Variants in NKAIN2 observed in about 807,000 individuals in gnomAD.
NKAIN2 encodes sodium/potassium-transporting ATPase subunit beta-1-interacting protein 2.
Under a neutral mutation model 32.6 loss-of-function variants are expected in NKAIN2, and 14 were observed. The ratio of observed to expected loss-of-function variants is 0.43; its 90% CI spans 0.28 to 0.67. The LOEUF (loss-of-function observed/expected upper bound fraction) is 0.67, where lower values mean the gene tolerates loss of function less well. Among genes scored for constraint, NKAIN2 ranks in the 30% least tolerant of loss-of-function variants. The probability of loss-of-function intolerance (pLI) is 0.17; values close to 1 mark genes in which losing one functional copy is unlikely to be tolerated. For missense variants in NKAIN2, 198 were observed against 258.3 expected, an observed-to-expected ratio of 0.77 and a Z score of 1.60; for synonymous variants, 80 against 87.2, an observed-to-expected ratio of 0.92 and a Z score of 0.46.
chr6:124,683,104 A>G (rs1052753612), intron 4 of NKAIN2, among the ~76,000 whole-genome samples: 20 of 152,204 alleles, frequency 1.3e-4, no homozygotes, highest in Admixed American at 1.1e-3. Context: ...ACACATTTGT[A>G]ACAAACATAA....
chr6:124,503,236 C>T lies in NKAIN2; in HGVS notation c.273+147889C>T, dbSNP rs180677467. ...TGTACATTATATTGAATTTTAACTC[C>T]GCCCCAAAAAGCAAAAGTAAAGGAA... is the stretch of plus-strand genomic sequence containing the variant. On this transcript the variant is annotated intron_variant, in intron 3 of 6. Coordinates refer to ENST00000368417, the MANE Select transcript of NKAIN2 (RefSeq NM_001040214.3). 6.9e-4 allele frequency among the ~76,000 whole-genome samples: 105 copies of T among 151,894 alleles called. No homozygotes were observed. In the East Asian group the frequency reaches 0.012, roughly 18 times the overall value.
chr6:123,919,432 A>C (rs993310738), intron 1 of NKAIN2, among the ~76,000 whole-genome samples: 1 of 152,124 alleles, frequency 6.6e-6, no homozygotes, highest in Non-Finnish European at 1.5e-5. Context: ...TTATTTTCTA[A>C]ATATAGAACA....
chr6:123,811,044 A>G (rs568163970), intron 1 of NKAIN2, among the ~76,000 whole-genome samples: 13 of 152,244 alleles, frequency 8.5e-5, no homozygotes, highest in Middle Eastern at 3.4e-3. Flanking sequence ...TCAGGCACCA[A>G]ATTTTGAGAA....
chr6:124,241,368 T>G (rs1793085608), intron 1 of NKAIN2, among the ~76,000 whole-genome samples: 1 of 152,184 alleles, frequency 6.6e-6, no homozygotes, highest in African/African-American at 2.4e-5. Flanking sequence ...CCATTGACTT[T>G]CTTCACAGAA....
At chr6:124,312,393 C>G (rs1236082795) in intron 2 of NKAIN2, among the ~76,000 whole-genome samples, 2 of 152,214 alleles carry the variant, frequency 1.3e-5, no homozygotes, top group African/African-American at 4.8e-5. Context: ...ACACCAGTTG[C>G]ATGTCCAGGC....
intron 3 of NKAIN2, among the ~76,000 whole-genome samples, chr6:124,600,123 C>T (rs191128994): frequency 1.1e-3 from 172 of 152,156 alleles, no homozygotes; most frequent in Admixed American, 2.4e-3. Flanking sequence ...GTGAACCAAG[C>T]AGCTGCAATA....
At chr6:123,994,201 T>TA (rs1554235223) in intron 1 of NKAIN2, among the ~76,000 whole-genome samples, 1 of 41,272 alleles carries the variant, frequency 2.4e-5, no homozygotes, top group Admixed American at 2.3e-4. Context: ...GAAACTAGGA[T>TA]TTTTTTTTTT....
At chr6:124,675,706 G>A (rs77771453) in intron 4 of NKAIN2, among the ~76,000 whole-genome samples, 27,960 of 151,414 alleles carry the variant, frequency 0.18, 2,822 homozygotes, top group East Asian at 0.34. Context: ...CTCCATTTTC[G>A]TTTCTGATTT....
intron 3 of NKAIN2, among the ~76,000 whole-genome samples, chr6:124,518,116 T>A (rs951298950): frequency 6.6e-5 from 10 of 151,926 alleles, no homozygotes; most frequent in African/African-American, 2.4e-4. Context: ...TAAGATTTTT[T>A]AAAAAAAGGA....
intron 3 of NKAIN2, among the ~76,000 whole-genome samples, chr6:124,469,013 T>G (rs1776870381): frequency 6.6e-6 from 1 of 152,212 alleles, no homozygotes. Flanking sequence ...TTATATCAAT[T>G]CTGCCCTTTG....
chr6:124,803,074 C>G (rs533071765), intron 5 of NKAIN2, among the ~76,000 whole-genome samples: 72 of 152,156 alleles, frequency 4.7e-4, no homozygotes, highest in Non-Finnish European at 9.0e-4. Flanking sequence ...CTACACTCAG[C>G]TGGGTGTTGT....
intron 1 of NKAIN2, among the ~76,000 whole-genome samples, chr6:123,976,369 TC>T (rs1562287713): frequency 7.6e-4 from 5 of 6,602 alleles, no homozygotes; most frequent in African/African-American, 1.8e-3. Context: ...ATATATATAT[TC>T]CCATATATAT....
rs112718710 is a variant in NKAIN2, at chr6:124,133,304, G to T, written c.55-149701G>T. ...TGAACAGTCCTATAGATGAAAAGAG[G>T]TGCCTGTCTGATCTGAATACCTGAA... On this transcript the variant is annotated intron_variant, in intron 1 of 6. Coordinates refer to ENST00000368417, the MANE Select transcript of NKAIN2 (RefSeq NM_001040214.3). 5.9e-3 allele frequency among the ~76,000 whole-genome samples: 904 copies of T among 152,238 alleles called. 10 individuals are homozygous for T. The highest frequency in any genetic ancestry group is 0.027 in the South Asian group (132 of 4,822).
chr6:124,570,005 G>C (rs1781064688), intron 3 of NKAIN2, among the ~76,000 whole-genome samples: 1 of 152,292 alleles, frequency 6.6e-6, no homozygotes, highest in Admixed American at 6.5e-5. Context: ...GTCTCAGATG[G>C]AGATGAGGAA....
chr6:124,377,036 G>A (rs1044807648), intron 3 of NKAIN2, among the ~76,000 whole-genome samples: 2 of 152,084 alleles, frequency 1.3e-5, no homozygotes, highest in African/African-American at 4.8e-5. Context: ...CATTTAAGGT[G>A]GGTTTAGAGT....
intron 1 of NKAIN2, among the ~76,000 whole-genome samples, chr6:124,116,305 A>T (rs1292810049): frequency 6.6e-6 from 1 of 152,098 alleles, no homozygotes; most frequent in Non-Finnish European, 1.5e-5. Context: ...AAAGTAGTTC[A>T]CACACTTGTA....
At chr6:124,657,360 G>A (rs768278278) in intron 3 of NKAIN2, among the ~76,000 whole-genome samples, 5 of 151,974 alleles carry the variant, frequency 3.3e-5, no homozygotes, top group Non-Finnish European at 5.9e-5. Flanking sequence ...TCCTTTAGCC[G>A]TTCTTTCCCT....
chr6:124,051,977 T>G (rs547125151), intron 1 of NKAIN2, among the ~76,000 whole-genome samples: 2 of 152,132 alleles, frequency 1.3e-5, no homozygotes, highest in East Asian at 3.9e-4. Flanking sequence ...ACAGACTGCC[T>G]GGGAGGGGCC....
intron 4 of NKAIN2, among the ~76,000 whole-genome samples, chr6:124,755,507 G>A (rs904805297): frequency 6.6e-6 from 1 of 152,062 alleles, no homozygotes; most frequent in African/African-American, 2.4e-5. Flanking sequence ...ACCATCACAT[G>A]TACCATGGAA....
Sources: gnomAD v4.1 joint callset for allele counts (sites outside exome capture counted in the v4.1 genomes callset) on GRCh38, gnomAD v4.1.1 for gene constraint, MANE v1.5 for transcripts, NCBI Gene and HGNC (gene_info 2026-07-23, HGNC 2026-07-21) for gene names.